The following FNBP1L variants were observed in gnomAD, a reference collection of about 807,000 sequenced individuals.
FNBP1L encodes the protein formin binding protein 1 like, also known as formin-binding protein 1-like.
Under a neutral mutation model 91.2 loss-of-function variants are expected in FNBP1L, and 36 were observed. That is an observed-to-expected ratio of 0.39 (90% CI 0.30 to 0.52). The LOEUF (loss-of-function observed/expected upper bound fraction) is 0.52. Among genes scored for constraint, FNBP1L ranks in the 20% least tolerant of loss-of-function variants. FNBP1L has a pLI of 0.66. For synonymous variants in FNBP1L, 242 were observed against 237.0 expected (o/e 1.02, Z -0.19); for missense variants, 571 against 732.1 (o/e 0.78, Z 2.54).
At chr1:93,534,260 T>C (rs1671775493) in intron 8 of FNBP1L, among the ~76,000 whole-genome samples, 1 of 152,162 alleles carries the variant, frequency 6.6e-6, no homozygotes, top group Non-Finnish European at 1.5e-5. Flanking sequence ...TTTACTCTCT[T>C]TTACAATTAG....
chr1:93,524,434 AT>A (rs1671432199), intron 5 of FNBP1L, 111 bp downstream of exon 5: 1 of 689,168 alleles, frequency 1.5e-6, no homozygotes, highest in South Asian at 4.1e-5. Context: ...TGTATTATTA[AT>A]AATTTGACAT....
intron 5 of FNBP1L, among the ~76,000 whole-genome samples, chr1:93,528,375 A>G (rs928709455): frequency 6.6e-6 from 1 of 152,224 alleles, no homozygotes; most frequent in African/African-American, 2.4e-5. Flanking sequence ...AATAGACAGG[A>G]TAGTTACACA....
At chr1:93,531,549 G>A (rs1208178400) in intron 7 of FNBP1L, among the ~76,000 whole-genome samples, 2 of 152,222 alleles carry the variant, frequency 1.3e-5, no homozygotes. Context: ...TGTGGGAAGA[G>A]TGTCAGCCCG....
At position 93,504,890 on chromosome 1, in the gene FNBP1L, C is replaced by T. The variant is rs375567515; in HGVS notation, c.140+5307C>T. Among the ~76,000 whole-genome samples the T allele has an allele frequency of 2.9e-3, 447 of 152,220 alleles. 2 individuals carry two copies. Among genetic ancestry groups the T allele is most frequent in the Non-Finnish European group, 3.6e-3 (244 of 68,022 alleles). ...TCTCCCATTCTATAGGTTGCCTTTT[C>T]ATTCTCTTGATTGTGTCCTTCTATG... On this transcript the variant is annotated intron_variant, in intron 2 of 16. Transcript: ENST00000271234.
intron 1 of FNBP1L, among the ~76,000 whole-genome samples, chr1:93,462,913 A>G (rs758930105): frequency 5.3e-5 from 8 of 152,090 alleles, no homozygotes; most frequent in South Asian, 2.1e-4. Context: ...CTCCTTTATG[A>G]TAAAGTATCT....
At chr1:93,487,073 A>G (rs1323257128) in intron 1 of FNBP1L, among the ~76,000 whole-genome samples, 1 of 152,142 alleles carries the variant, frequency 6.6e-6, no homozygotes, top group Non-Finnish European at 1.5e-5. Flanking sequence ...TCATTATTTC[A>G]ACAGAACTGC....
chr1:93,505,192 A>G (rs1294697899), intron 2 of FNBP1L, among the ~76,000 whole-genome samples: 1 of 150,912 alleles, frequency 6.6e-6, no homozygotes, highest in Non-Finnish European at 1.5e-5. Context: ...GCTCACTGCA[A>G]CTTCCGTCTC....
chr1:93,460,861 C>T (rs1220994951), intron 1 of FNBP1L, among the ~76,000 whole-genome samples: 2 of 152,160 alleles, frequency 1.3e-5, no homozygotes, highest in Non-Finnish European at 2.9e-5. Context: ...TATTGTACAT[C>T]ATGCTGACTA....
intron 12 of FNBP1L, 138 bp downstream of exon 12, chr1:93,544,354 C>A (rs902346851): frequency 4.1e-6 from 2 of 490,270 alleles, no homozygotes; most frequent in Non-Finnish European, 6.7e-6. Context: ...TATACTCCTA[C>A]CCTGGAAATT....
intron 1 of FNBP1L, among the ~76,000 whole-genome samples, chr1:93,468,259 T>C (rs1433823031): frequency 1.3e-5 from 2 of 152,242 alleles, no homozygotes; most frequent in East Asian, 3.8e-4. Flanking sequence ...TCAAGGCTCA[T>C]GCATACTGTA....
chr1:93,514,431 T>C (rs1214194086), intron 2 of FNBP1L, among the ~76,000 whole-genome samples: 1 of 151,076 alleles, frequency 6.6e-6, no homozygotes, highest in African/African-American at 2.4e-5. Context: ...AAAGTTCATA[T>C]GGAACCAAAA....
At chr1:93,505,143 C>T (rs1036417551) in intron 2 of FNBP1L, among the ~76,000 whole-genome samples, 1 of 139,102 alleles carries the variant, frequency 7.2e-6, no homozygotes, top group Non-Finnish European at 1.5e-5. Flanking sequence ...CAGAGTCTCA[C>T]TCTTGTCGCC....
intron 1 of FNBP1L, among the ~76,000 whole-genome samples, chr1:93,499,011 T>C (rs1387448521): frequency 6.6e-6 from 1 of 152,182 alleles, no homozygotes; most frequent in African/African-American, 2.4e-5. Flanking sequence ...AGCATGGTGC[T>C]TAGGCTGTGG....
chr1:93,449,800 A>G (rs1167560263), intron 1 of FNBP1L, among the ~76,000 whole-genome samples: 1 of 152,218 alleles, frequency 6.6e-6, no homozygotes, highest in Non-Finnish European at 1.5e-5. Context: ...TTTCTCAGGC[A>G]TTATTGGCCT....
At position 93,478,966 on chromosome 1, in the gene FNBP1L, C is replaced by T. The variant is rs145882394; in HGVS notation, c.25-20502C>T. On this transcript the variant is annotated intron_variant, in intron 1 of 16. Coordinates refer to ENST00000271234, the MANE Select transcript of FNBP1L (RefSeq NM_001164473.3). ...TGAGGTTTGCTTTCTAAAAGGCAGC[C>T]ATTTAAACTTAAAGCAAAATTTGTA... Among the ~76,000 whole-genome samples, 13 of 152,276 alleles carry T rather than the reference C, an allele frequency of 8.5e-5. No homozygotes were observed. The East Asian group carries it at 2.5e-3, about 29-fold the overall frequency.
chr1:93,525,720 C>A (rs1319438218), intron 5 of FNBP1L, among the ~76,000 whole-genome samples: 1 of 152,032 alleles, frequency 6.6e-6, no homozygotes, highest in Non-Finnish European at 1.5e-5. Flanking sequence ...AAAGAAGCAT[C>A]AAAAATGTAG....
chr1:93,457,218 T>C (rs1471582488), intron 1 of FNBP1L, among the ~76,000 whole-genome samples: 1 of 152,228 alleles, frequency 6.6e-6, no homozygotes, highest in Non-Finnish European at 1.5e-5. Flanking sequence ...TCACCATTGA[T>C]TACTTTTGTA....
intron 7 of FNBP1L, 56 bp downstream of exon 7, chr1:93,530,939 A>G (rs1039405221): frequency 7.2e-7 from 1 of 1,390,500 alleles, no homozygotes; most frequent in Non-Finnish European, 9.7e-7. Flanking sequence ...TTTAAATATA[A>G]AACTTGTAAG....
intron 2 of FNBP1L, among the ~76,000 whole-genome samples, chr1:93,512,043 C>G (rs1358282134): frequency 2.0e-5 from 3 of 150,178 alleles, no homozygotes; most frequent in African/African-American, 4.9e-5. Flanking sequence ...TGTGCAGAGA[C>G]ACACATAGGC....
Sources: gnomAD v4.1 joint callset for allele counts (sites outside exome capture counted in the v4.1 genomes callset) on GRCh38, gnomAD v4.1.1 for gene constraint, MANE v1.5 for transcripts, NCBI Gene and HGNC (gene_info 2026-07-23, HGNC 2026-07-21) for gene names.